The following CHODL variants were observed in gnomAD, a reference collection of about 807,000 sequenced individuals.
CHODL encodes chondrolectin.
A neutral mutation model predicts 34.5 loss-of-function variants in CHODL; 29 were observed. The observed-to-expected ratio is 0.84, with a 90% CI of 0.63 to 1.15. The LOEUF (loss-of-function observed/expected upper bound fraction) is 1.15. Among genes scored for constraint, CHODL ranks in the 50% most tolerant of loss-of-function variants. The probability of loss-of-function intolerance (pLI) is 0.00; values close to 1 mark genes in which losing one functional copy is unlikely to be tolerated. For missense variants in CHODL, 332 were observed against 332.5 expected (o/e 1.00, Z 0.01); for synonymous variants, 125 against 116.1 (o/e 1.08, Z -0.49).
At chr21:17,937,763 A>C (rs1437096366) in intron 1 of CHODL, among the ~76,000 whole-genome samples, 1 of 152,066 alleles carries the variant, frequency 6.6e-6, no homozygotes, top group Non-Finnish European at 1.5e-5. Flanking sequence ...TTTTCAAATA[A>C]CTTTTATTGG....
At chr21:17,999,085 T>C (rs772311924) in intron 1 of CHODL, among the ~76,000 whole-genome samples, 32 of 152,218 alleles carry the variant, frequency 2.1e-4, no homozygotes, top group Non-Finnish European at 4.0e-4. Flanking sequence ...GTTTTGCTGC[T>C]TAGAAATTTA....
intron 1 of CHODL, among the ~76,000 whole-genome samples, chr21:17,921,493 G>A (rs1397084235): frequency 6.6e-6 from 1 of 152,162 alleles, no homozygotes; most frequent in Non-Finnish European, 1.5e-5. Context: ...TTGCTACTTG[G>A]CAGGTGAGAG....
At chr21:17,935,848 G>T (rs2063314736) in intron 1 of CHODL, among the ~76,000 whole-genome samples, 1 of 152,200 alleles carries the variant, frequency 6.6e-6, no homozygotes, top group Non-Finnish European at 1.5e-5. Context: ...TTGAGGTGAT[G>T]TAAGGGATAG....
chr21:17,967,133 C>T (rs1340305754), intron 1 of CHODL, among the ~76,000 whole-genome samples: 1 of 151,992 alleles, frequency 6.6e-6, no homozygotes, highest in Non-Finnish European at 1.5e-5. Context: ...GATGTGCCCA[C>T]CTCGACCTCT....
At chr21:17,960,930 A>T (rs1351375797) in intron 1 of CHODL, among the ~76,000 whole-genome samples, 1 of 152,082 alleles carries the variant, frequency 6.6e-6, no homozygotes, top group Non-Finnish European at 1.5e-5. Context: ...TTTACTTCTC[A>T]CTGGAGTTAG....
At chr21:18,172,171 T>A (rs1248627548) in intron 2 of CHODL, among the ~76,000 whole-genome samples, 1 of 152,224 alleles carries the variant, frequency 6.6e-6, no homozygotes, top group Non-Finnish European at 1.5e-5. Flanking sequence ...TTTTTTCTTT[T>A]GAGCCTCTTA....
At chr21:18,228,678 C>G (rs1330929078) in intron 2 of CHODL, among the ~76,000 whole-genome samples, 1 of 152,056 alleles carries the variant, frequency 6.6e-6, no homozygotes, top group East Asian at 1.9e-4. Context: ...TATTATCTGC[C>G]CTGACTCCCT....
chr21:18,244,909 C>G lies in CHODL; in HGVS notation c.-315C>G, dbSNP rs375338399. ...CAGAGGCCGGGGAAGAGAAGCAAAG[C>G]GCAACGGTGTGGTCCAAGCCGGGGC... On this transcript the variant is annotated 5_prime_UTR_variant, in exon 1 of 6. Transcript: ENST00000299295. The G allele has an allele frequency of 3.2e-6, 1 of 314,758 alleles. No individual in the cohort carries two copies. The highest frequency in any genetic ancestry group is 5.6e-5 in the East Asian group (1 of 17,738). 19.5% of individuals were successfully genotyped at this position (314,758 alleles called of 1,614,324 possible). A position where few individuals can be genotyped will look rare whatever the true frequency, so the allele number is the denominator to read the frequency against.
chr21:18,036,704 T>C (rs1324809688), intron 2 of CHODL, among the ~76,000 whole-genome samples: 1 of 152,030 alleles, frequency 6.6e-6, no homozygotes, highest in Non-Finnish European at 1.5e-5. Flanking sequence ...GCTTTTCTAA[T>C]TTTTTTCTGT....
chr21:17,995,300 T>C (rs2063838352), intron 1 of CHODL, among the ~76,000 whole-genome samples: 1 of 152,170 alleles, frequency 6.6e-6, no homozygotes, highest in Non-Finnish European at 1.5e-5. Context: ...TCTCAGGATA[T>C]GTGAGGGCCA....
chr21:18,242,803 A>G (rs2074094430), upstream of CHODL, among the ~76,000 whole-genome samples: 1 of 152,220 alleles, frequency 6.6e-6, no homozygotes, highest in South Asian at 2.1e-4. Flanking sequence ...TACAGTTATT[A>G]TTATAGTTTG....
At chr21:18,122,627 C>T (rs1211184135) in intron 2 of CHODL, among the ~76,000 whole-genome samples, 1 of 151,970 alleles carries the variant, frequency 6.6e-6, no homozygotes, top group Non-Finnish European at 1.5e-5. Context: ...GAAGTAACAT[C>T]ACCAAAGAAT....
At chr21:18,098,573 A>C (rs1004433753) in intron 2 of CHODL, among the ~76,000 whole-genome samples, 8 of 152,162 alleles carry the variant, frequency 5.3e-5, no homozygotes, top group African/African-American at 1.9e-4. Flanking sequence ...TTTAGGCAAT[A>C]ACAAATGCTG....
At chr21:18,006,500 C>A (rs975087903) in intron 1 of CHODL, among the ~76,000 whole-genome samples, 1 of 152,172 alleles carries the variant, frequency 6.6e-6, no homozygotes, top group Non-Finnish European at 1.5e-5. Flanking sequence ...CTCACAGGAG[C>A]ATTGAGGGAC....
At chr21:18,012,844 T>C (rs2064031886) in intron 1 of CHODL, among the ~76,000 whole-genome samples, 1 of 152,332 alleles carries the variant, frequency 6.6e-6, no homozygotes, top group East Asian at 1.9e-4. Context: ...AGTTCAATTA[T>C]GCTGGTGTAT....
At chr21:17,978,816 G>T (rs145469809) in intron 1 of CHODL, among the ~76,000 whole-genome samples, 1 of 151,908 alleles carries the variant, frequency 6.6e-6, no homozygotes, top group African/African-American at 2.4e-5. Context: ...TCCACTTCCA[G>T]GCCCATTCAT....
chr21:18,093,672 A>G (rs183078622), intron 2 of CHODL, among the ~76,000 whole-genome samples: 23 of 152,312 alleles, frequency 1.5e-4, no homozygotes, highest in African/African-American at 5.5e-4. Flanking sequence ...AGTTTAAAAT[A>G]ATAGATTATA....
At chr21:18,129,703 A>G (rs528329266) in intron 2 of CHODL, among the ~76,000 whole-genome samples, 9 of 152,154 alleles carry the variant, frequency 5.9e-5, no homozygotes, top group Admixed American at 1.3e-4. Flanking sequence ...GCAGGAGGAT[A>G]TTTATCAAAT....
chr21:18,193,721 A>T (rs905626780), intron 2 of CHODL, among the ~76,000 whole-genome samples: 19 of 145,856 alleles, frequency 1.3e-4, no homozygotes, highest in African/African-American at 4.5e-4. Context: ...TAAAATAAAT[A>T]AATAAATAAA....
Sources: gnomAD v4.1 joint callset for allele counts (sites outside exome capture counted in the v4.1 genomes callset) on GRCh38, gnomAD v4.1.1 for gene constraint, MANE v1.5 for transcripts, NCBI Gene and HGNC (gene_info 2026-07-23, HGNC 2026-07-21) for gene names.